The following SLC24A3 variants were observed in gnomAD, a reference collection of about 807,000 sequenced individuals.
The protein encoded by SLC24A3 is solute carrier family 24 member 3, also known as sodium/potassium/calcium exchanger 3.
Under a neutral mutation model 75.8 loss-of-function variants are expected in SLC24A3, and 28 were observed. That is an observed-to-expected ratio of 0.37 (90% CI 0.27 to 0.51). The LOEUF (loss-of-function observed/expected upper bound fraction) is 0.51, where lower values mean the gene tolerates loss of function less well. SLC24A3 is among the 20% of genes least tolerant of loss of function. The pLI, the probability that SLC24A3 is intolerant of heterozygous loss-of-function variation, is 0.94. For missense variants in SLC24A3, 663 were observed against 847.8 expected (o/e 0.78, Z 2.71); for synonymous variants, 372 against 334.1 (o/e 1.11, Z -1.24).
chr20:19,481,588 G>A (rs547135966), intron 2 of SLC24A3, among the ~76,000 whole-genome samples: 4 of 152,176 alleles, frequency 2.6e-5, no homozygotes, highest in South Asian at 2.1e-4. Flanking sequence ...ACAAGTCTAC[G>A]AAAGGACTAG....
At chr20:19,410,145 A>G (rs1986718546) in intron 2 of SLC24A3, among the ~76,000 whole-genome samples, 1 of 152,200 alleles carries the variant, frequency 6.6e-6, no homozygotes, top group African/African-American at 2.4e-5. Context: ...CGTTGGAAGG[A>G]ACCATGTAAC....
intron 2 of SLC24A3, among the ~76,000 whole-genome samples, chr20:19,359,301 T>G (rs1232709412): frequency 6.6e-6 from 1 of 152,250 alleles, no homozygotes; most frequent in Non-Finnish European, 1.5e-5. Flanking sequence ...TTATGATTCC[T>G]CTGTTCCTAA....
At chr20:19,283,637 A>G (rs534906277) in intron 2 of SLC24A3, among the ~76,000 whole-genome samples, 30 of 152,312 alleles carry the variant, frequency 2.0e-4, no homozygotes, top group African/African-American at 6.5e-4. Flanking sequence ...TGAGGGCCTT[A>G]TCTCTACCCC....
At chr20:19,219,391 T>C (rs766454655) in intron 1 of SLC24A3, among the ~76,000 whole-genome samples, 13 of 152,168 alleles carry the variant, frequency 8.5e-5, no homozygotes, top group Non-Finnish European at 1.8e-4. Context: ...CATTTGTTCA[T>C]TCAACAAATG....
chr20:19,604,176 C>T (rs1210119510), intron 6 of SLC24A3, among the ~76,000 whole-genome samples: 1 of 152,018 alleles, frequency 6.6e-6, no homozygotes, highest in East Asian at 1.9e-4. Context: ...AATAAACCAG[C>T]AAGGTAATCT....
chr20:19,495,955 G>A (rs904716474), intron 2 of SLC24A3, among the ~76,000 whole-genome samples: 9 of 152,160 alleles, frequency 5.9e-5, no homozygotes, highest in South Asian at 2.1e-4. Flanking sequence ...CTGAGTTTCC[G>A]GCAAAAACAA....
Position 19,624,167 on chromosome 20 carries a change from C to T in SLC24A3, c.613-29895C>T, listed in dbSNP as rs529146489. ...TTTCAAGTATTTTACCTGTCACCTGCGTTTCTTCTCAGTCCCTTCTCTCTG... is the reference window on the plus strand; with the variant it reads ...TTTCAAGTATTTTACCTGTCACCTGTGTTTCTTCTCAGTCCCTTCTCTCTG... On this transcript the variant is annotated intron_variant, in intron 6 of 16. Transcript: ENST00000328041. Among the ~76,000 whole-genome samples the T allele has an allele frequency of 1.1e-4, 16 of 152,296 alleles. 1 individual carries two copies. In the South Asian group the frequency reaches 1.5e-3, roughly 14 times the overall value.
chr20:19,231,766 A>G (rs1982029487), intron 1 of SLC24A3, among the ~76,000 whole-genome samples: 1 of 152,214 alleles, frequency 6.6e-6, no homozygotes, highest in African/African-American at 2.4e-5. Flanking sequence ...CACCCAGTGT[A>G]TCGAATATTG....
At chr20:19,452,670 A>G (rs4814856) in intron 2 of SLC24A3, among the ~76,000 whole-genome samples, 77,777 of 151,626 alleles carry the variant, frequency 0.51, 21,078 homozygotes, top group East Asian at 0.83. Context: ...ATTGTGCTAT[A>G]GATGGGATAC....
rs560012938 is a variant in SLC24A3 at position 19,634,767 on chromosome 20, C to G, written c.613-19295C>G. Among the ~76,000 whole-genome samples, 3 of 151,302 alleles carry G rather than the reference C, an allele frequency of 2.0e-5. No individual in the cohort carries two copies. In the East Asian group the frequency reaches 5.8e-4, roughly 29 times the overall value. On this transcript the variant is annotated intron_variant, in intron 6 of 16. Coordinates refer to ENST00000328041, the MANE Select transcript of SLC24A3 (RefSeq NM_020689.4). ...ATAGATGAGGTGATTGACTGGAAGC[C>G]GGGGGGGACACTTTTCTGTGTGGTA...
intron 2 of SLC24A3, among the ~76,000 whole-genome samples, chr20:19,297,747 A>C (rs899943019): frequency 1.3e-5 from 2 of 152,226 alleles, no homozygotes; most frequent in Admixed American, 6.5e-5. Context: ...TTTTTCTTAG[A>C]TACTTACTTA....
intron 1 of SLC24A3, among the ~76,000 whole-genome samples, chr20:19,238,161 G>A (rs1448271537): frequency 5.9e-5 from 9 of 151,970 alleles, no homozygotes; most frequent in Non-Finnish European, 1.3e-4. Context: ...CCTGCACATG[G>A]TCCTTCCGAG....
intron 2 of SLC24A3, among the ~76,000 whole-genome samples, chr20:19,353,129 G>T (rs748061990): frequency 6.6e-6 from 1 of 152,194 alleles, no homozygotes; most frequent in Non-Finnish European, 1.5e-5. Context: ...AGCTAGGTTT[G>T]TGTAAGTATG....
intron 6 of SLC24A3, among the ~76,000 whole-genome samples, chr20:19,586,281 A>G (rs1357774743): frequency 6.6e-6 from 1 of 152,194 alleles, no homozygotes; most frequent in Non-Finnish European, 1.5e-5. Context: ...CTGATATCCT[A>G]AATTTCTTCA....
intron 2 of SLC24A3, among the ~76,000 whole-genome samples, chr20:19,411,090 T>C (rs1309725703): frequency 1.3e-5 from 2 of 152,226 alleles, no homozygotes; most frequent in African/African-American, 4.8e-5. Flanking sequence ...TCTGCCATTT[T>C]GGGCACCGAT....
chr20:19,529,459 C>A (rs2030255836), intron 3 of SLC24A3, among the ~76,000 whole-genome samples: 1 of 152,200 alleles, frequency 6.6e-6, no homozygotes, highest in Non-Finnish European at 1.5e-5. Flanking sequence ...AAGGTCTGGC[C>A]ACTTTCAACC....
At chr20:19,459,492 G>A (rs1987634816) in intron 2 of SLC24A3, among the ~76,000 whole-genome samples, 4 of 152,148 alleles carry the variant, frequency 2.6e-5, no homozygotes, top group Admixed American at 2.6e-4. Flanking sequence ...GACACATTTT[G>A]CTTTCAAGTT....
chr20:19,330,907 A>G (rs1025480722), intron 2 of SLC24A3, among the ~76,000 whole-genome samples: 1 of 152,246 alleles, frequency 6.6e-6, no homozygotes, highest in Admixed American at 6.5e-5. Flanking sequence ...TTTCTGCAGT[A>G]TTCTGGCAAG....
intron 2 of SLC24A3, among the ~76,000 whole-genome samples, chr20:19,400,661 C>A (rs1053937386): frequency 3.3e-5 from 5 of 152,178 alleles, no homozygotes; most frequent in Non-Finnish European, 7.3e-5. Context: ...AGGACTCTAG[C>A]TGTCTTGGTC....
Sources: gnomAD v4.1 joint callset for allele counts (sites outside exome capture counted in the v4.1 genomes callset) on GRCh38, gnomAD v4.1.1 for gene constraint, MANE v1.5 for transcripts, NCBI Gene and HGNC (gene_info 2026-07-23, HGNC 2026-07-21) for gene names.